The following PDZD2 variants were observed in gnomAD, a reference collection of about 807,000 sequenced individuals.
The protein encoded by PDZD2 is PDZ domain containing 2, also known as PDZ domain-containing protein 2.
A neutral mutation model predicts 220.7 loss-of-function variants in PDZD2; 90 were observed. The ratio of observed to expected loss-of-function variants is 0.41; its 90% confidence interval spans 0.34 to 0.49. PDZD2 has a LOEUF of 0.49. Among genes scored for constraint, PDZD2 ranks in the 20% least tolerant of loss-of-function variants. The pLI is 0.28. For synonymous variants in PDZD2, 1,375 were observed against 1,450.5 expected, an observed-to-expected ratio of 0.95 and a Z score of 1.18; for missense variants, 3,174 against 3,608.5, an observed-to-expected ratio of 0.88 and a Z score of 3.08.
At position 31,802,748 on chromosome 5, in the gene PDZD2, G is replaced by A. The variant is rs564303874; in HGVS notation, c.476+3024G>A. Among the ~76,000 whole-genome samples the A allele has an allele frequency of 1.8e-4, 28 of 151,992 alleles. No individual in the cohort carries two copies. In the East Asian group the frequency reaches 3.7e-3, roughly 20 times the overall value. ...ATCGTGGCTAACATGGTGAAACCCC[G>A]TGTCTACTAAAAACACAAAAAATTA... On this transcript the variant is annotated intron_variant, in intron 2 of 24. Coordinates refer to ENST00000438447, the MANE Select transcript of PDZD2 (RefSeq NM_178140.4).
At chr5:31,935,019 T>C (rs1032849524) in intron 2 of PDZD2, among the ~76,000 whole-genome samples, 2 of 149,872 alleles carry the variant, frequency 1.3e-5, no homozygotes, top group South Asian at 2.1e-4. Context: ...ACCCGGAAGA[T>C]GGAGGTTGCA....
intron 13 of PDZD2, among the ~76,000 whole-genome samples, chr5:32,060,276 C>G (rs536421267): frequency 6.6e-6 from 1 of 152,246 alleles, no homozygotes; most frequent in Admixed American, 6.5e-5. Flanking sequence ...GATGATGTTT[C>G]TTTCTTGAAT....
intron 1 of PDZD2, among the ~76,000 whole-genome samples, chr5:31,751,582 G>GT (rs34613055): frequency 0.18 from 27,682 of 152,084 alleles, 2,914 homozygotes; most frequent in Non-Finnish European, 0.25. Context: ...TTTCCTGCTT[G>GT]TAAGTTTCCT....
At chr5:31,982,996 A>T (rs952149146) in intron 2 of PDZD2, among the ~76,000 whole-genome samples, 159 bp from the exon 3 acceptor site, 5 of 152,130 alleles carry the variant, frequency 3.3e-5, no homozygotes, top group African/African-American at 1.2e-4. Flanking sequence ...TACATAGATG[A>T]AAAGAATGAA....
At chr5:31,765,562 T>C (rs2059868) in intron 1 of PDZD2, among the ~76,000 whole-genome samples, 149,187 of 152,284 alleles carry the variant, frequency 0.98, 73,101 homozygotes, top group Admixed American at 0.99. Context: ...AAAATATGGC[T>C]CTGGGGAATA....
intron 1 of PDZD2, among the ~76,000 whole-genome samples, chr5:31,776,195 TC>T (rs1752635965): frequency 6.6e-6 from 1 of 152,126 alleles, no homozygotes; most frequent in African/African-American, 2.4e-5. Flanking sequence ...CTTGGACTCC[TC>T]CTCTTCTCTA....
intron 19 of PDZD2, among the ~76,000 whole-genome samples, chr5:32,080,931 TGGG>T (rs935592172): frequency 4.6e-5 from 7 of 151,490 alleles, no homozygotes; most frequent in African/African-American, 1.7e-4. Flanking sequence ...GATGGGGTGG[TGGG>T]GGGAGGGAGA....
intron 3 of PDZD2, among the ~76,000 whole-genome samples, chr5:31,993,873 A>G (rs1168479899): frequency 6.6e-6 from 1 of 152,236 alleles, no homozygotes; most frequent in East Asian, 1.9e-4. Flanking sequence ...ACTTGGGGGA[A>G]GTCAACAGTT....
At chr5:32,062,024 G>T (rs6866303) in intron 14 of PDZD2, among the ~76,000 whole-genome samples, 4,378 of 152,152 alleles carry the variant, frequency 0.029, 211 homozygotes, top group African/African-American at 0.1. Flanking sequence ...AATCCACTTC[G>T]GGCTGGGATT....
intron 14 of PDZD2, among the ~76,000 whole-genome samples, chr5:32,067,565 T>C (rs283129): frequency 0.22 from 33,147 of 152,090 alleles, 3,891 homozygotes; most frequent in East Asian, 0.31. Flanking sequence ...TGATAAAATA[T>C]AATGCTGAAT....
chr5:32,100,750 G>A, intron 23 of PDZD2: 1 of 511,808 alleles, frequency 2.0e-6, no homozygotes, highest in South Asian at 1.7e-5. Flanking sequence ...GTCCCCAAGT[G>A]TGACTTCAGT....
At chr5:31,745,052 G>A (rs955027417) in intron 1 of PDZD2, among the ~76,000 whole-genome samples, 4 of 150,350 alleles carry the variant, frequency 2.7e-5, no homozygotes, top group Non-Finnish European at 5.9e-5. Flanking sequence ...CAGCCTGGGC[G>A]ACAGAGGGAG....
At chr5:31,777,594 G>T (rs1188589967) in intron 1 of PDZD2, among the ~76,000 whole-genome samples, 1 of 152,270 alleles carries the variant, frequency 6.6e-6, no homozygotes, top group Non-Finnish European at 1.5e-5. Flanking sequence ...AGTCAGGTGG[G>T]GACTTGGAGA....
chr5:31,778,266 G>A (rs1178484733), intron 1 of PDZD2, among the ~76,000 whole-genome samples: 1 of 152,174 alleles, frequency 6.6e-6, no homozygotes, highest in Non-Finnish European at 1.5e-5. Context: ...GATGTGGGTG[G>A]GGCCAGGTAA....
At chr5:31,657,046 GT>G (rs1745579202) in intron 1 of PDZD2, among the ~76,000 whole-genome samples, 1 of 152,192 alleles carries the variant, frequency 6.6e-6, no homozygotes, top group South Asian at 2.1e-4. Flanking sequence ...AGGGAGTGAT[GT>G]CATACTGAGA....
At chr5:31,739,556 G>T (rs1750125382) in intron 1 of PDZD2, among the ~76,000 whole-genome samples, 1 of 152,074 alleles carries the variant, frequency 6.6e-6, no homozygotes, top group African/African-American at 2.4e-5. Flanking sequence ...AGCAGAAAAT[G>T]GGATTAAAAG....
At chr5:31,691,197 A>G (rs113692665) in intron 1 of PDZD2, among the ~76,000 whole-genome samples, 2 of 150,470 alleles carry the variant, frequency 1.3e-5, no homozygotes, top group African/African-American at 4.9e-5. Flanking sequence ...TCAGGAGTGA[A>G]GCTGCAGACC....
At chr5:31,710,788 C>G (rs942854355) in intron 1 of PDZD2, among the ~76,000 whole-genome samples, 1 of 148,814 alleles carries the variant, frequency 6.7e-6, no homozygotes, top group African/African-American at 2.5e-5. Context: ...TGCACTCCAG[C>G]CTGGGCGACA....
intron 2 of PDZD2, among the ~76,000 whole-genome samples, chr5:31,895,827 G>T (rs186442369): frequency 1.3e-5 from 2 of 152,074 alleles, no homozygotes; most frequent in Non-Finnish European, 2.9e-5. Context: ...CCTGAGCAGC[G>T]TAGCCTTTTC....
Sources: gnomAD v4.1 joint callset for allele counts (sites outside exome capture counted in the v4.1 genomes callset) on GRCh38, gnomAD v4.1.1 for gene constraint, MANE v1.5 for transcripts, NCBI Gene and HGNC (gene_info 2026-07-23, HGNC 2026-07-21) for gene names.